The following HYCC1 variants were observed in gnomAD, a reference collection of about 807,000 sequenced individuals.
HYCC1 encodes the protein hyccin.
the HYCC1 span, among the ~76,000 whole-genome samples, chr7:22,914,617 T>C: frequency 2.6e-5 from 4 of 152,178 alleles, no homozygotes; most frequent in African/African-American, 4.8e-5. Flanking sequence ...GTGCCTGACG[T>C]CCAGGCATTC....
the HYCC1 span, among the ~76,000 whole-genome samples, chr7:22,932,805 A>G: frequency 3.3e-5 from 5 of 152,314 alleles, no homozygotes; most frequent in East Asian, 9.6e-4. Context: ...TGATCCCCCA[A>G]AACACATTGG....
At chr7:22,954,174 C>T in the HYCC1 span, among the ~76,000 whole-genome samples, 2 of 150,980 alleles carry the variant, frequency 1.3e-5, no homozygotes, top group African/African-American at 4.8e-5. Flanking sequence ...GATTTATTAC[C>T]ATTTACCTTT....
the HYCC1 span, among the ~76,000 whole-genome samples, chr7:22,958,612 T>G: frequency 1.3e-5 from 2 of 152,104 alleles, no homozygotes; most frequent in South Asian, 4.1e-4. Flanking sequence ...AACAATACAT[T>G]CAAGCAGTCT....
chr7:22,983,657 A>G, the HYCC1 span: 1 of 372,176 alleles, frequency 2.7e-6, no homozygotes, highest in Non-Finnish European at 5.0e-6. Context: ...GATGGCTCAT[A>G]ATGGGCACTC....
the HYCC1 span, among the ~76,000 whole-genome samples, chr7:22,957,471 A>G: frequency 6.6e-6 from 1 of 151,982 alleles, no homozygotes; most frequent in African/African-American, 2.4e-5. Context: ...GAGCTCCAAC[A>G]GAAAAAAAGA....
At chr7:22,965,499 G>A in the HYCC1 span, among the ~76,000 whole-genome samples, 1 of 144,234 alleles carries the variant, frequency 6.9e-6, no homozygotes. Flanking sequence ...TTTATTTCTT[G>A]GCACATGTAT....
the HYCC1 span, among the ~76,000 whole-genome samples, chr7:22,972,261 A>C: frequency 6.6e-6 from 1 of 152,176 alleles, no homozygotes; most frequent in Non-Finnish European, 1.5e-5. Flanking sequence ...CTCGTAACAA[A>C]GCTGCCCTTA....
At chr7:22,976,176 T>C in the HYCC1 span, 5 of 1,276,926 alleles carry the variant, frequency 3.9e-6, no homozygotes, top group Non-Finnish European at 5.7e-6. Context: ...GATTCATATA[T>C]TTCAATATTA....
At chr7:22,962,275 G>C in the HYCC1 span, among the ~76,000 whole-genome samples, 7 of 152,158 alleles carry the variant, frequency 4.6e-5, no homozygotes, top group Non-Finnish European at 1.0e-4. Context: ...TCATGGGCTA[G>C]CAGGAGAGTA....
the HYCC1 span, among the ~76,000 whole-genome samples, chr7:22,963,355 C>T: frequency 1.3e-5 from 2 of 151,960 alleles, no homozygotes; most frequent in Non-Finnish European, 2.9e-5. Flanking sequence ...AGCAAAGAGA[C>T]GGGAACTACA....
At chr7:22,901,585 A>G in the HYCC1 span, among the ~76,000 whole-genome samples, 2 of 152,276 alleles carry the variant, frequency 1.3e-5, no homozygotes, top group South Asian at 2.1e-4. Context: ...AGCCCCAACT[A>G]AGATGGTATT....
At chr7:22,965,306 A>G in the HYCC1 span, among the ~76,000 whole-genome samples, 1 of 152,056 alleles carries the variant, frequency 6.6e-6, no homozygotes, top group Admixed American at 6.6e-5. Context: ...AATAAACTTC[A>G]GATAGATTAT....
chr7:22,979,632 A>G, the HYCC1 span, among the ~76,000 whole-genome samples: 580 of 152,316 alleles, frequency 3.8e-3, 5 homozygotes, highest in African/African-American at 0.014. Context: ...GAATTGTGGC[A>G]TAACATCCCT....
chr7:22,993,132 A>T, the HYCC1 span, among the ~76,000 whole-genome samples: 3 of 152,154 alleles, frequency 2.0e-5, no homozygotes, highest in African/African-American at 7.2e-5. Flanking sequence ...AAATTCAGTG[A>T]GGAAAGGATG....
chr7:22,935,277 G>A, the HYCC1 span: 1 of 152,172 alleles, frequency 6.6e-6, no homozygotes, highest in Middle Eastern at 3.2e-3. Flanking sequence ...AGAACTTGAG[G>A]CTTAAGATGA....
At chr7:22,954,263 A>G in the HYCC1 span, among the ~76,000 whole-genome samples, 1 of 150,880 alleles carries the variant, frequency 6.6e-6, no homozygotes, top group East Asian at 2.0e-4. Context: ...ACTAAAATAC[A>G]CCCATTATAA....
At chr7:22,926,946 C>T in the HYCC1 span, among the ~76,000 whole-genome samples, 2 of 152,060 alleles carry the variant, frequency 1.3e-5, no homozygotes, top group Non-Finnish European at 2.9e-5. Flanking sequence ...AAGCACTCCT[C>T]AGCAAATGTA....
the HYCC1 span, chr7:22,935,807 G>A: frequency 2.0e-5 from 3 of 151,650 alleles, no homozygotes; most frequent in African/African-American, 7.3e-5. Flanking sequence ...TACCAGACCT[G>A]GCTAATTTTT....
the HYCC1 span, among the ~76,000 whole-genome samples, chr7:22,957,947 TAAC>T: frequency 6.6e-6 from 1 of 151,714 alleles, no homozygotes; most frequent in East Asian, 1.9e-4. Flanking sequence ...ATATAAATAT[TAAC>T]AATAGAATTT....
Sources: gnomAD v4.1 joint callset for allele counts (sites outside exome capture counted in the v4.1 genomes callset) on GRCh38, gnomAD v4.1.1 for gene constraint, MANE v1.5 for transcripts, NCBI Gene and HGNC (gene_info 2026-07-23, HGNC 2026-07-21) for gene names.